SMCO4: variants seen among roughly 807,000 people sequenced by gnomAD.
SMCO4 encodes single-pass membrane and coiled-coil domain-containing protein 4.
SMCO4 carries 4 observed loss-of-function variants against 3.6 expected under a neutral mutation model. That is an observed-to-expected ratio of 1.11 (90% CI 0.54 to 2.53). SMCO4 has a LOEUF of 2.53. Ranked by LOEUF, SMCO4 falls within the 30% of genes most tolerant of loss-of-function variation. The pLI, the probability that SMCO4 is intolerant of heterozygous loss-of-function variation, is 0.02. For missense variants in SMCO4, 70 were observed against 80.8 expected, an observed-to-expected ratio of 0.87 and a Z score of 0.51; for synonymous variants, 36 against 35.3, an observed-to-expected ratio of 1.02 and a Z score of -0.07.
At chr11:93,482,691 C>T (rs374816333) in intron 2 of SMCO4, among the ~76,000 whole-genome samples, 3 of 152,190 alleles carry the variant, frequency 2.0e-5, no homozygotes, top group Admixed American at 6.5e-5. Flanking sequence ...CATAAGCGAA[C>T]GCACTGCTTC....
intron 2 of SMCO4, among the ~76,000 whole-genome samples, chr11:93,495,185 A>G (rs1274123955): frequency 6.6e-6 from 1 of 152,046 alleles, no homozygotes; most frequent in East Asian, 1.9e-4. Context: ...CCCCAGGGTG[A>G]GTGAGGGGCC....
Position 93,509,602 on chromosome 11 carries a change from T to G in SMCO4, c.-153-10254A>C, listed in dbSNP as rs182918085. ...TCAATCAACGAGTGGATAAAGAAAC[T>G]GTGCTATACATATACCACGAAAGAC... On this transcript the variant is annotated intron_variant, in intron 1 of 2. Coordinates refer to ENST00000298966, the MANE Select transcript of SMCO4 (RefSeq NM_020179.3). 3.7e-4 allele frequency among the ~76,000 whole-genome samples: 56 copies of G among 152,328 alleles called. 1 individual carries two copies. The highest frequency in any genetic ancestry group is 1.3e-3 in the African/African-American group (54 of 41,562).
intron 1 of SMCO4, among the ~76,000 whole-genome samples, chr11:93,499,662 A>C (rs997897739): frequency 6.6e-6 from 1 of 152,056 alleles, no homozygotes; most frequent in Non-Finnish European, 1.5e-5. Context: ...TCTACAACAA[A>C]CTCGCTGCTA....
chr11:93,520,574 A>C (rs943414779), intron 1 of SMCO4, among the ~76,000 whole-genome samples: 12 of 152,248 alleles, frequency 7.9e-5, no homozygotes, highest in African/African-American at 2.4e-4. Context: ...GCTTCCAAAC[A>C]AGGCAGAAAA....
intron 1 of SMCO4, among the ~76,000 whole-genome samples, chr11:93,536,742 G>A (rs1949229220): frequency 6.6e-6 from 1 of 152,096 alleles, no homozygotes; most frequent in East Asian, 1.9e-4. Context: ...AAATGCAAGG[G>A]CAGGCTGCAG....
chr11:93,484,180 G>T (rs1025315276), intron 2 of SMCO4, among the ~76,000 whole-genome samples: 2 of 152,234 alleles, frequency 1.3e-5, no homozygotes, highest in Admixed American at 6.5e-5. Flanking sequence ...ATGGTCCCCA[G>T]TATGTGTGGG....
chr11:93,543,119 C>G (rs1949285386), intron 1 of SMCO4, among the ~76,000 whole-genome samples, 157 bp downstream of exon 1: 1 of 150,948 alleles, frequency 6.6e-6, no homozygotes, highest in Non-Finnish European at 1.5e-5. Flanking sequence ...GCGCCCAGGC[C>G]TGGGTCAGCA....
At chr11:93,519,938 T>C (rs1949042583) in intron 1 of SMCO4, among the ~76,000 whole-genome samples, 1 of 152,144 alleles carries the variant, frequency 6.6e-6, no homozygotes. Flanking sequence ...TATAAAACCA[T>C]GAGGAGTCAT....
intron 1 of SMCO4, among the ~76,000 whole-genome samples, chr11:93,534,754 C>T (rs1949203297): frequency 6.6e-6 from 1 of 152,156 alleles, no homozygotes; most frequent in African/African-American, 2.4e-5. Context: ...CTTTCCGAAG[C>T]CCACTGTGTC....
At chr11:93,485,736 C>T (rs1948641085) in intron 2 of SMCO4, among the ~76,000 whole-genome samples, 2 of 152,210 alleles carry the variant, frequency 1.3e-5, no homozygotes, top group African/African-American at 4.8e-5. Flanking sequence ...TATTTTAAGA[C>T]AAGCAGTTCA....
intron 1 of SMCO4, among the ~76,000 whole-genome samples, chr11:93,509,621 G>C (rs1249341898): frequency 1.3e-5 from 2 of 152,152 alleles, no homozygotes; most frequent in African/African-American, 4.8e-5. Flanking sequence ...CATATACCAC[G>C]AAAGACTACT....
chr11:93,513,164 C>T (rs1948974450), intron 1 of SMCO4, among the ~76,000 whole-genome samples: 1 of 152,148 alleles, frequency 6.6e-6, no homozygotes, highest in African/African-American at 2.4e-5. Flanking sequence ...TGACCCTGGG[C>T]CAGCTTCTCA....
At chr11:93,518,363 A>G (rs984931611) in intron 1 of SMCO4, among the ~76,000 whole-genome samples, 2 of 152,190 alleles carry the variant, frequency 1.3e-5, no homozygotes, top group African/African-American at 4.8e-5. Flanking sequence ...CCACTGATGG[A>G]CACCTGGCTG....
In SMCO4 at chr11:93,532,535, C is replaced by G. The variant is rs1249913595; in HGVS notation, c.-154+10741G>C. ...CAGCCTGCAGACACCCTGTCACAGG[C>G]CTTCTCAGCCTCCAAAGTCATGTGA... is the stretch of plus-strand genomic sequence containing the variant. On this transcript the variant is annotated intron_variant, in intron 1 of 2. Coordinates refer to ENST00000298966, the MANE Select transcript of SMCO4 (RefSeq NM_020179.3). Among the ~76,000 whole-genome samples, 3 of 152,352 alleles carry G rather than the reference C, an allele frequency of 2.0e-5. No homozygotes were observed. The East Asian group carries it at 5.8e-4, about 29-fold the overall frequency.
chr11:93,490,459 CA>C (rs1343430272), intron 2 of SMCO4, among the ~76,000 whole-genome samples: 1 of 152,110 alleles, frequency 6.6e-6, no homozygotes, highest in Admixed American at 6.5e-5. Flanking sequence ...AAACTGAAAT[CA>C]GAGTTTTAGA....
At chr11:93,514,410 ATATATATATAT>A (rs1948988696) in intron 1 of SMCO4, among the ~76,000 whole-genome samples, 3 of 34,964 alleles carry the variant, frequency 8.6e-5, no homozygotes, top group African/African-American at 1.8e-4. Context: ...ATATATATAT[ATATATATATAT>A]AAAATTTGGT....
At chr11:93,525,027 G>C (rs907286281) in intron 1 of SMCO4, among the ~76,000 whole-genome samples, 5 of 152,168 alleles carry the variant, frequency 3.3e-5, no homozygotes, top group Admixed American at 1.3e-4. Context: ...CCTCTACTCA[G>C]AGGAAGGTTG....
chr11:93,485,090 T>G (rs1664300043), intron 2 of SMCO4, among the ~76,000 whole-genome samples: 1 of 152,218 alleles, frequency 6.6e-6, no homozygotes, highest in African/African-American at 2.4e-5. Context: ...TTAAATAAAA[T>G]CTATTATTAA....
intron 1 of SMCO4, among the ~76,000 whole-genome samples, chr11:93,536,115 GA>G (rs998346292): frequency 1.3e-4 from 19 of 146,530 alleles, no homozygotes; most frequent in South Asian, 4.3e-4. Context: ...TGTTTATCAA[GA>G]AAAAAAAAAG....
Sources: gnomAD v4.1 joint callset for allele counts (sites outside exome capture counted in the v4.1 genomes callset) on GRCh38, gnomAD v4.1.1 for gene constraint, MANE v1.5 for transcripts, NCBI Gene and HGNC (gene_info 2026-07-23, HGNC 2026-07-21) for gene names.